The following LRRC7 variants were observed in gnomAD, a reference collection of about 807,000 sequenced individuals.
LRRC7 encodes leucine rich repeat containing 7, also known as leucine-rich repeat-containing protein 7.
Under a neutral mutation model 175.7 loss-of-function variants are expected in LRRC7, and 23 were observed. The observed-to-expected ratio is 0.13, with a 90% CI of 0.09 to 0.19. The LOEUF (loss-of-function observed/expected upper bound fraction) is 0.19. Among genes scored for constraint, LRRC7 ranks in the 10% least tolerant of loss-of-function variants. The pLI is 1.00. For missense variants in LRRC7, 1,354 were observed against 1,904.7 expected, an observed-to-expected ratio of 0.71 and a Z score of 5.38; for synonymous variants, 685 against 680.9, an observed-to-expected ratio of 1.01 and a Z score of -0.09.
intron 24 of LRRC7, among the ~76,000 whole-genome samples, chr1:70,081,169 G>A (rs1663183880): frequency 6.6e-6 from 1 of 152,156 alleles, no homozygotes; most frequent in Non-Finnish European, 1.5e-5. Flanking sequence ...AGGTTGAGGA[G>A]CACTGCTTTA....
intron 18 of LRRC7, 139 bp downstream of exon 18, chr1:70,028,510 A>G (rs753408800): frequency 1.3e-6 from 1 of 764,630 alleles, no homozygotes; most frequent in Non-Finnish European, 2.1e-6. Flanking sequence ...TTTTCAAACT[A>G]TGAGGGTTGC....
At chr1:69,976,122 G>A (rs1438683279) in intron 8 of LRRC7, among the ~76,000 whole-genome samples, 1 of 152,122 alleles carries the variant, frequency 6.6e-6, no homozygotes, top group Non-Finnish European at 1.5e-5. Context: ...TGAAATGTCT[G>A]TATTAGTCAG....
At chr1:69,605,584 A>G (rs1326843666) in intron 1 of LRRC7, among the ~76,000 whole-genome samples, 2 of 152,170 alleles carry the variant, frequency 1.3e-5, no homozygotes, top group East Asian at 3.9e-4. Flanking sequence ...CAATGTATAT[A>G]TGGATAATCA....
intron 7 of LRRC7, among the ~76,000 whole-genome samples, chr1:69,855,102 A>G (rs1369872146): frequency 1.3e-5 from 2 of 152,296 alleles, no homozygotes; most frequent in South Asian, 2.1e-4. Context: ...GTGGTTGTTA[A>G]GTTTGCAGAG....
At chr1:69,820,447 C>T (rs144694326) in intron 4 of LRRC7, among the ~76,000 whole-genome samples, 1 of 152,182 alleles carries the variant, frequency 6.6e-6, no homozygotes, top group East Asian at 1.9e-4. Context: ...TATACACGTG[C>T]CATGGTGGTT....
rs1666588640 is a variant in LRRC7, at chr1:70,129,644, A to T, written c.*7757A>T. ...ATGCTGTCCAATGTTAGAATGACCC[A>T]CTCCGAAATGCAAGGAGTTGAACAA... On this transcript the variant is annotated 3_prime_UTR_variant, in exon 27 of 27. Coordinates refer to ENST00000651989, the MANE Select transcript of LRRC7 (RefSeq NM_001370785.2). 6.6e-6 allele frequency among the ~76,000 whole-genome samples: 1 copy of T among 152,038 alleles called. No homozygotes were observed. Among genetic ancestry groups the T allele is most frequent in the South Asian group, 2.1e-4 (1 of 4,822 alleles).
intron 3 of LRRC7, among the ~76,000 whole-genome samples, chr1:69,769,030 C>A (rs1671935580): frequency 6.6e-6 from 1 of 152,136 alleles, no homozygotes; most frequent in African/African-American, 2.4e-5. Flanking sequence ...GTATAAGCTT[C>A]TTTTTAAATA....
chr1:69,600,873 A>C (rs1434590430), intron 1 of LRRC7, among the ~76,000 whole-genome samples: 9 of 121,124 alleles, frequency 7.4e-5, no homozygotes, highest in Non-Finnish European at 1.3e-4. Context: ...GTGCAATCGC[A>C]CGCTCTCGGC....
intron 26 of LRRC7, among the ~76,000 whole-genome samples, chr1:70,108,621 A>G (rs1032190510): frequency 2.6e-5 from 4 of 152,192 alleles, no homozygotes; most frequent in Non-Finnish European, 5.9e-5. Context: ...AACCCCAGAA[A>G]TTTCCCGTTA....
At chr1:69,789,283 T>C (rs770386798) in intron 3 of LRRC7, among the ~76,000 whole-genome samples, 50 of 152,124 alleles carry the variant, frequency 3.3e-4, no homozygotes, top group Non-Finnish European at 1.2e-4. Flanking sequence ...TTATTGTTTT[T>C]GAAATGTAAA....
intron 1 of LRRC7, chr1:69,607,249 T>G (rs1021071936): frequency 3.9e-5 from 6 of 152,148 alleles, no homozygotes; most frequent in African/African-American, 1.2e-4. Context: ...TTTATGTTTT[T>G]GGAAGGCAAG....
chr1:69,905,632 C>T (rs1042019495), intron 7 of LRRC7, among the ~76,000 whole-genome samples: 2 of 152,098 alleles, frequency 1.3e-5, no homozygotes, highest in African/African-American at 4.8e-5. Context: ...GTATATGTGC[C>T]ACATTTTCTT....
chr1:69,577,069 ACAAAAAGCAAG>A (rs1645982817), intron 1 of LRRC7, among the ~76,000 whole-genome samples: 1 of 152,168 alleles, frequency 6.6e-6, no homozygotes, highest in Non-Finnish European at 1.5e-5. Context: ...CTTCCTGCAG[ACAAAAAGCAAG>A]CCACTGAAAC....
intron 7 of LRRC7, among the ~76,000 whole-genome samples, chr1:69,886,826 C>A (rs1205042525): frequency 6.6e-6 from 1 of 150,578 alleles, no homozygotes; most frequent in Non-Finnish European, 1.5e-5. Context: ...GTGACAAAAT[C>A]TCTCAGCATT....
chr1:69,656,718 G>A (rs932585939), intron 1 of LRRC7, among the ~76,000 whole-genome samples: 21 of 151,882 alleles, frequency 1.4e-4, no homozygotes, highest in Admixed American at 3.9e-4. Context: ...CTACAGTGGT[G>A]AACATGACTT....
At chr1:69,882,882 C>T (rs1250122480) in intron 7 of LRRC7, among the ~76,000 whole-genome samples, 4 of 150,526 alleles carry the variant, frequency 2.7e-5, no homozygotes, top group Admixed American at 6.7e-5. Context: ...TTTGTTCTTG[C>T]GATAGTTTAC....
intron 26 of LRRC7, among the ~76,000 whole-genome samples, chr1:70,121,379 G>A (rs1666197618): frequency 6.6e-6 from 1 of 151,974 alleles, no homozygotes; most frequent in Non-Finnish European, 1.5e-5. Flanking sequence ...GAAATATTTG[G>A]TCATGCTGAT....
chr1:69,681,351 C>T (rs954427336), intron 2 of LRRC7, among the ~76,000 whole-genome samples: 2 of 152,140 alleles, frequency 1.3e-5, no homozygotes, highest in African/African-American at 4.8e-5. Flanking sequence ...TTGGTTCAGA[C>T]CATAGGATCC....
At chr1:69,645,836 T>G (rs1654931910) in intron 1 of LRRC7, among the ~76,000 whole-genome samples, 1 of 152,148 alleles carries the variant, frequency 6.6e-6, no homozygotes, top group African/African-American at 2.4e-5. Context: ...TCCAATTGTT[T>G]TGGTTTGGAA....
Sources: gnomAD v4.1 joint callset for allele counts (sites outside exome capture counted in the v4.1 genomes callset) on GRCh38, gnomAD v4.1.1 for gene constraint, MANE v1.5 for transcripts, NCBI Gene and HGNC (gene_info 2026-07-23, HGNC 2026-07-21) for gene names.